Variants in GRM8 observed in about 807,000 individuals in gnomAD.
The protein encoded by GRM8 is glutamate metabotropic receptor 8, also known as metabotropic glutamate receptor 8.
In GRM8, 47 loss-of-function variants were observed where a neutral mutation model predicts 87.2. That is an observed-to-expected ratio of 0.54 (90% CI 0.43 to 0.69). The LOEUF is 0.69. Among genes scored for constraint, GRM8 ranks in the 30% least tolerant of loss-of-function variants. The pLI, the probability that GRM8 is intolerant of heterozygous loss-of-function variation, is 0.00. For missense variants in GRM8, 1,019 were observed against 1,139.2 expected (o/e 0.89, Z 1.52); for synonymous variants, 396 against 404.5 (o/e 0.98, Z 0.25).
chr7:126,923,888 C>T (rs1466114420), intron 3 of GRM8, among the ~76,000 whole-genome samples: 1 of 152,136 alleles, frequency 6.6e-6, no homozygotes, highest in Non-Finnish European at 1.5e-5. Context: ...TCTGAACTAA[C>T]CCATTCAGAT....
In GRM8 at chr7:126,609,512, G is replaced by C; in HGVS notation, c.1358-14C>G. 3 of 1,601,152 alleles carry C rather than the reference G, an allele frequency of 1.9e-6. No individual in the cohort carries two copies. The highest frequency in any genetic ancestry group is 2.6e-6 in the Non-Finnish European group (3 of 1,172,500). ...TGCCAGCACTGCCTATAAAGATTTA[G>C]AAAACAATGTTAATAAAGTTTTAGT... On this transcript the variant is annotated splice_polypyrimidine_tract_variant and intron_variant, in intron 7 of 10. Coordinates refer to ENST00000339582, the MANE Select transcript of GRM8 (RefSeq NM_000845.3).
At chr7:126,653,300 C>CGAAAA (rs1554439898) in intron 7 of GRM8, among the ~76,000 whole-genome samples, 2 of 109,054 alleles carry the variant, frequency 1.8e-5, no homozygotes, top group Non-Finnish European at 1.8e-5. Context: ...ATCCTGTCTC[C>CGAAAA]AAAAAAAAAA....
At chr7:127,215,742 T>G (rs1393025223) in intron 2 of GRM8, among the ~76,000 whole-genome samples, 1 of 152,226 alleles carries the variant, frequency 6.6e-6, no homozygotes, top group Non-Finnish European at 1.5e-5. Flanking sequence ...TCTCCAAATA[T>G]CTATTCTTCA....
At chr7:126,571,553 G>C (rs1264813688) in intron 8 of GRM8, among the ~76,000 whole-genome samples, 1 of 152,124 alleles carries the variant, frequency 6.6e-6, no homozygotes, top group Non-Finnish European at 1.5e-5. Context: ...AAGATTTCTA[G>C]TGTGTGTGCT....
chr7:126,863,972 T>TTA (rs552720153), intron 6 of GRM8, among the ~76,000 whole-genome samples: 1 of 151,062 alleles, frequency 6.6e-6, no homozygotes, highest in East Asian at 1.9e-4. Context: ...TTTTTAATTA[T>TTA]TATATATATA....
chr7:126,819,880 TA>T (rs5887313), intron 6 of GRM8, among the ~76,000 whole-genome samples: 1 of 151,278 alleles, frequency 6.6e-6, no homozygotes, highest in Non-Finnish European at 1.5e-5. Flanking sequence ...CTTTTTCAAT[TA>T]AAAAAAAATT....
At chr7:126,873,161 C>A (rs1029096527) in intron 6 of GRM8, among the ~76,000 whole-genome samples, 1 of 152,060 alleles carries the variant, frequency 6.6e-6, no homozygotes, top group African/African-American at 2.4e-5. Flanking sequence ...CATTGGGGAG[C>A]ACTTTTCAAC....
At chr7:126,577,486 C>T (rs931050733) in intron 8 of GRM8, among the ~76,000 whole-genome samples, 6 of 152,072 alleles carry the variant, frequency 3.9e-5, no homozygotes, top group East Asian at 1.9e-4. Context: ...CAACGAAATA[C>T]AAATTTCTGT....
At chr7:126,507,967 C>A in intron 9 of GRM8, among the ~76,000 whole-genome samples, 1 of 151,842 alleles carries the variant, frequency 6.6e-6, no homozygotes, top group East Asian at 1.9e-4. Flanking sequence ...ATTTCGAAAC[C>A]CTCTATGTTT....
intron 8 of GRM8, among the ~76,000 whole-genome samples, chr7:126,607,569 G>T (rs532132004): frequency 6.6e-6 from 1 of 152,214 alleles, no homozygotes; most frequent in African/African-American, 2.4e-5. Flanking sequence ...ATCAAGAAGA[G>T]GAGATGTTTT....
chr7:127,173,314 A>C lies in GRM8; in HGVS notation c.511-66602T>G, dbSNP rs563103003. Among the ~76,000 whole-genome samples the C allele has an allele frequency of 8.9e-4, 136 of 152,304 alleles. 1 individual carries two copies. The highest frequency in any genetic ancestry group is 3.1e-3 in the African/African-American group (130 of 41,570). ...TTGGGAAGGTATCTTTTGATCAAAGACTTGAATAAGTTGAGAATTAGCCAT... is the reference window on the plus strand; with the variant it reads ...TTGGGAAGGTATCTTTTGATCAAAGCCTTGAATAAGTTGAGAATTAGCCAT... On this transcript the variant is annotated intron_variant, in intron 2 of 10. Transcript: ENST00000339582.
At chr7:126,621,504 C>T (rs754243307) in intron 7 of GRM8, among the ~76,000 whole-genome samples, 10 of 152,078 alleles carry the variant, frequency 6.6e-5, no homozygotes, top group African/African-American at 9.7e-5. Flanking sequence ...CTGCAACCTC[C>T]GCCTCCCAGG....
intron 9 of GRM8, among the ~76,000 whole-genome samples, chr7:126,460,706 C>G (rs1803801273): frequency 6.6e-6 from 1 of 151,508 alleles, no homozygotes; most frequent in South Asian, 2.1e-4. Context: ...TGACCAGGTA[C>G]CTGAAAGAGC....
At chr7:126,790,473 A>G (rs1821162728) in intron 6 of GRM8, among the ~76,000 whole-genome samples, 1 of 152,226 alleles carries the variant, frequency 6.6e-6, no homozygotes, top group South Asian at 2.1e-4. Context: ...GCAATAGATA[A>G]TACACCCATC....
chr7:127,108,926 G>A (rs758840444), intron 2 of GRM8, among the ~76,000 whole-genome samples: 1 of 152,142 alleles, frequency 6.6e-6, no homozygotes, highest in East Asian at 1.9e-4. Context: ...TACACATCAG[G>A]GTATATGAAT....
intron 3 of GRM8, among the ~76,000 whole-genome samples, chr7:127,054,128 C>T (rs543826462): frequency 8.5e-5 from 13 of 152,168 alleles, no homozygotes; most frequent in East Asian, 7.8e-4. Flanking sequence ...AAGAGCTTCA[C>T]CCTTGTATAT....
chr7:126,990,851 T>C (rs1042770044), intron 3 of GRM8, among the ~76,000 whole-genome samples: 3 of 152,172 alleles, frequency 2.0e-5, no homozygotes, highest in Non-Finnish European at 2.9e-5. Context: ...CTAAACACAA[T>C]AGAAATGTTT....
chr7:127,164,070 C>G (rs1243346566), intron 2 of GRM8, among the ~76,000 whole-genome samples: 2 of 152,046 alleles, frequency 1.3e-5, no homozygotes, highest in African/African-American at 4.8e-5. Context: ...AGCACCATCC[C>G]CTTGGCACTG....
chr7:126,716,355 G>C (rs1811740137), intron 7 of GRM8, among the ~76,000 whole-genome samples: 1 of 149,936 alleles, frequency 6.7e-6, no homozygotes. Context: ...GTTAGCCAGA[G>C]AAGTATATTT....
Sources: allele counts gnomAD v4.1 joint callset (sites outside exome capture counted in the v4.1 genomes callset), GRCh38; gene constraint gnomAD v4.1.1; transcripts MANE v1.5; gene names NCBI Gene and HGNC (gene_info 2026-07-23, HGNC 2026-07-21).